Variants in ZBBX observed in about 807,000 individuals in gnomAD.
ZBBX encodes the protein zinc finger B-box domain containing.
In ZBBX, 101 loss-of-function variants were observed where a neutral mutation model predicts 108.5. That is an observed-to-expected ratio of 0.93 (90% confidence interval 0.79 to 1.10). The LOEUF is 1.10. Among genes scored for constraint, ZBBX ranks in the 50% least tolerant of loss-of-function variants. ZBBX has a pLI of 0.00. For synonymous variants in ZBBX, 356 were observed against 323.4 expected, an observed-to-expected ratio of 1.10 and a Z score of -1.08; for missense variants, 1,009 against 941.4, an observed-to-expected ratio of 1.07 and a Z score of -0.94.
intron 6 of ZBBX, among the ~76,000 whole-genome samples, chr3:167,362,976 G>A (rs1744764235): frequency 6.6e-6 from 1 of 151,670 alleles, no homozygotes; most frequent in African/African-American, 2.4e-5. Flanking sequence ...CTGACATCCT[G>A]GTTTGAAGAC....
chr3:167,277,341 A>G (rs1727792214), intron 20 of ZBBX, among the ~76,000 whole-genome samples: 1 of 152,174 alleles, frequency 6.6e-6, no homozygotes, highest in African/African-American at 2.4e-5. Flanking sequence ...AGTGTGCTGT[A>G]TTCAGGAAGC....
downstream of ZBBX, among the ~76,000 whole-genome samples, chr3:167,238,787 C>T (rs1299906307): frequency 2.0e-5 from 3 of 152,048 alleles, no homozygotes; most frequent in Non-Finnish European, 2.9e-5. Context: ...TCTTAAGCCT[C>T]GACTTATAAG....
chr3:167,209,534 T>C, the ZBBX span, among the ~76,000 whole-genome samples: 1 of 152,150 alleles, frequency 6.6e-6, no homozygotes, highest in Non-Finnish European at 1.5e-5. Flanking sequence ...CTAATGCAGA[T>C]ATAGTTGCAA....
intron 5 of ZBBX, among the ~76,000 whole-genome samples, 197 bp from the exon 6 acceptor site, chr3:167,366,173 T>G (rs536728519): frequency 7.4e-4 from 112 of 152,038 alleles, no homozygotes; most frequent in African/African-American, 2.6e-3. Flanking sequence ...ATCATATTTA[T>G]GACCTTTGTG....
At chr3:167,398,781 C>T (rs781113624) in intron 1 of ZBBX, among the ~76,000 whole-genome samples, 2 of 151,982 alleles carry the variant, frequency 1.3e-5, no homozygotes, top group African/African-American at 2.4e-5. Flanking sequence ...TATTTGTCCC[C>T]TCCAAAACTC....
At chr3:167,262,154 A>AG (rs763430764) in intron 20 of ZBBX, among the ~76,000 whole-genome samples, 23 of 151,758 alleles carry the variant, frequency 1.5e-4, no homozygotes, top group Non-Finnish European at 2.4e-4. Flanking sequence ...TGTTTGGAAG[A>AG]GGGGGTCTCT....
At chr3:167,207,618 T>A in the ZBBX span, among the ~76,000 whole-genome samples, 1 of 152,184 alleles carries the variant, frequency 6.6e-6, no homozygotes, top group South Asian at 2.1e-4. Context: ...TGGATGGAAC[T>A]GGAAGTCATT....
At chr3:167,183,263 T>C in the ZBBX span, among the ~76,000 whole-genome samples, 1 of 152,174 alleles carries the variant, frequency 6.6e-6, no homozygotes, top group Non-Finnish European at 1.5e-5. Flanking sequence ...GAGCCCACAC[T>C]TGTCCCACTA....
the ZBBX span, among the ~76,000 whole-genome samples, chr3:167,227,809 A>G: frequency 6.6e-6 from 1 of 151,704 alleles, no homozygotes; most frequent in Non-Finnish European, 1.5e-5. Context: ...CCCTGTTTTG[A>G]TGACTACATA....
chr3:167,293,700 A>C (rs1156784180), intron 18 of ZBBX, among the ~76,000 whole-genome samples: 1 of 152,236 alleles, frequency 6.6e-6, no homozygotes, highest in Non-Finnish European at 1.5e-5. Context: ...GGCCAGGGCA[A>C]TCAGGCAAGA....
At chr3:167,242,738 G>T in intron 20 of ZBBX, 95 bp from the exon 21 acceptor site, 1 of 1,097,806 alleles carries the variant, frequency 9.1e-7, no homozygotes, top group Non-Finnish European at 1.2e-6. Context: ...TAAATTACAG[G>T]CAATACAAAG....
Position 167,333,837 on chromosome 3 carries a change from C to A in ZBBX, c.677G>T (p.Ser226Ile). 1 of 1,604,064 alleles carries A rather than the reference C, an allele frequency of 6.2e-7. No homozygotes were observed. Among genetic ancestry groups the A allele is most frequent in the South Asian group, 1.1e-5 (1 of 89,304 alleles). The change falls in exon 10 of 22, where the codon AGC becomes ATC. Residue 226 changes from serine (S) to isoleucine (I), a missense_variant. Ser to Ile is a moderately radical substitution (Grantham distance 142). Transcript: ENST00000675490. Reference protein sequence around the residue: ...HKPKSVLLQRSSSEVEITTMK... With the variant: ...HKPKSVLLQRISSEVEITTMK... Reference sequence around the variant, plus strand: ...TTTTCCTCAGTTTACCTCAGAGCTGCTCCTCTGGAGAAGTACAGATTTGGG... The same window carrying A: ...TTTTCCTCAGTTTACCTCAGAGCTGATCCTCTGGAGAAGTACAGATTTGGG...
At position 167,318,419 on chromosome 3, in the gene ZBBX, C is replaced by T. The variant is rs78461816; in HGVS notation, c.984-822G>A. ...TAAATAGGCACTAGTATGATCTTAA[C>T]TTTACAGAGGATGAGACTGAGACAC... On this transcript the variant is annotated intron_variant, in intron 12 of 21. Transcript: ENST00000675490. Among the ~76,000 whole-genome samples the T allele has an allele frequency of 5.7e-3, 870 of 152,010 alleles. 5 individuals carry two copies. The highest frequency in any genetic ancestry group is 0.02 in the African/African-American group (827 of 41,500).
chr3:167,262,323 C>T (rs1047084147), intron 20 of ZBBX, among the ~76,000 whole-genome samples: 4 of 152,180 alleles, frequency 2.6e-5, no homozygotes, highest in Non-Finnish European at 4.4e-5. Flanking sequence ...ATTCACAATG[C>T]GAGCCAGCCA....
In ZBBX at chr3:167,249,578, G is replaced by A. The variant is rs140528773; in HGVS notation, c.2255-6935C>T. 4.5e-3 allele frequency among the ~76,000 whole-genome samples: 687 copies of A among 152,284 alleles called. 4 individuals carry two copies. The highest frequency in any genetic ancestry group is 0.016 in the African/African-American group (650 of 41,538). On this transcript the variant is annotated intron_variant, in intron 20 of 21. Transcript: ENST00000675490. Reference sequence around the variant, plus strand: ...TGCCCAGTAAATTTGGGCCTAGTAAGGTCCAGGTCCCCTTCTCCGTATAGG... The same window carrying A: ...TGCCCAGTAAATTTGGGCCTAGTAAAGTCCAGGTCCCCTTCTCCGTATAGG...
chr3:167,272,484 G>A (rs1233740764), intron 20 of ZBBX, among the ~76,000 whole-genome samples: 2 of 152,142 alleles, frequency 1.3e-5, no homozygotes, highest in Non-Finnish European at 2.9e-5. Context: ...CCGGACAGCA[G>A]AGACTTGACA....
chr3:167,270,523 TA>T (rs1443702906), intron 20 of ZBBX, among the ~76,000 whole-genome samples: 1 of 152,110 alleles, frequency 6.6e-6, no homozygotes, highest in African/African-American at 2.4e-5. Flanking sequence ...TTTGTCAGTG[TA>T]AATAATGGAG....
Position 167,333,965 on chromosome 3 carries a change from G to GA in ZBBX, c.548dup (p.Asn184GlnfsTer14), listed in dbSNP as rs1442830485. 1.0e-5 allele frequency: 16 copies of GA among 1,576,480 alleles called. No individual in the cohort carries two copies. The highest frequency in any genetic ancestry group is 1.4e-5 in the Non-Finnish European group (16 of 1,163,626). On this transcript the variant is annotated frameshift_variant, in exon 10 of 22. Transcript: ENST00000675490. LOFTEE classifies it high-confidence loss of function. Reference sequence around the variant, plus strand: ...ACTGATGGGCAACATCCAATACATTGAATAATATTTGAGATTTTGCCTATT... The same window carrying GA: ...ACTGATGGGCAACATCCAATACATTGAAATAATATTTGAGATTTTGCCTATT...
At chr3:167,232,117 G>A in the ZBBX span, among the ~76,000 whole-genome samples, 8 of 151,674 alleles carry the variant, frequency 5.3e-5, no homozygotes, top group Admixed American at 5.3e-4. Context: ...GAAAAGATGG[G>A]ACATACTTTT....
Sources: gnomAD v4.1 joint callset for allele counts (sites outside exome capture counted in the v4.1 genomes callset) on GRCh38, gnomAD v4.1.1 for gene constraint, MANE v1.5 for transcripts, NCBI Gene and HGNC (gene_info 2026-07-23, HGNC 2026-07-21) for gene names.